The following ABLIM1 variants were observed in gnomAD, a reference collection of about 807,000 sequenced individuals.
ABLIM1 encodes the protein actin-binding LIM protein 1.
A neutral mutation model predicts 107.0 loss-of-function variants in ABLIM1; 40 were observed. That is an observed-to-expected ratio of 0.37 (90% confidence interval 0.29 to 0.49). The LOEUF is 0.49. Ranked by LOEUF, ABLIM1 falls within the 20% of genes least tolerant of loss-of-function variation. The pLI, the probability that ABLIM1 is intolerant of heterozygous loss-of-function variation, is 0.97. For missense variants in ABLIM1, 857 were observed against 1,008.5 expected, an observed-to-expected ratio of 0.85 and a Z score of 2.04; for synonymous variants, 357 against 357.3, an observed-to-expected ratio of 1.00 and a Z score of 0.01.
At chr10:114,755,187 T>C (rs954227272) in intron 1 of ABLIM1, among the ~76,000 whole-genome samples, 1 of 152,096 alleles carries the variant, frequency 6.6e-6, no homozygotes, top group Non-Finnish European at 1.5e-5. Flanking sequence ...CAGATTCTCA[T>C]GGGAACGCAA....
At chr10:114,594,834 T>C (rs1334783538) in intron 2 of ABLIM1, among the ~76,000 whole-genome samples, 2 of 152,204 alleles carry the variant, frequency 1.3e-5, no homozygotes, top group Non-Finnish European at 2.9e-5. Context: ...GTTCACCTTA[T>C]GAGTACCTGC....
chr10:114,632,057 G>T, intron 1 of ABLIM1: 2 of 1,222,130 alleles, frequency 1.6e-6, no homozygotes, highest in Non-Finnish European at 2.1e-6. Flanking sequence ...GAGGTCCGGG[G>T]CTGTGGTCTC....
chr10:114,769,411 AAAGAAAAG>A (rs1247010765), upstream of ABLIM1, among the ~76,000 whole-genome samples: 22 of 125,814 alleles, frequency 1.7e-4, no homozygotes, highest in African/African-American at 6.0e-4. Context: ...AGAAAGAAAG[AAAGAAAAG>A]AAGGAAAGAA....
chr10:114,561,938 G>C (rs1397895956), intron 4 of ABLIM1, among the ~76,000 whole-genome samples: 1 of 152,088 alleles, frequency 6.6e-6, no homozygotes, highest in Admixed American at 6.6e-5. Flanking sequence ...GATCACTCTG[G>C]GATCTTGATG....
chr10:114,787,252 C>T, the ABLIM1 span, among the ~76,000 whole-genome samples: 9 of 151,688 alleles, frequency 5.9e-5, no homozygotes, highest in African/African-American at 2.2e-4. Flanking sequence ...GGAGCCTCTC[C>T]GCCTGGCAAC....
chr10:114,631,208 C>G (rs1356898886), intron 1 of ABLIM1, among the ~76,000 whole-genome samples: 1 of 152,214 alleles, frequency 6.6e-6, no homozygotes, highest in Non-Finnish European at 1.5e-5. Flanking sequence ...TTTCAACTAT[C>G]ATTCAATTCT....
At chr10:114,495,061 T>C (rs1300766718) in intron 6 of ABLIM1, among the ~76,000 whole-genome samples, 1 of 152,236 alleles carries the variant, frequency 6.6e-6, no homozygotes, top group African/African-American at 2.4e-5. Context: ...CTTATATGTG[T>C]GCCCTTCTTA....
intron 1 of ABLIM1, among the ~76,000 whole-genome samples, chr10:114,721,728 T>A (rs1291607679): frequency 6.6e-6 from 1 of 152,082 alleles, no homozygotes; most frequent in Non-Finnish European, 1.5e-5. Context: ...CCTCAGGTAA[T>A]CCACCTGCCT....
chr10:114,690,568 AC>A, intron 1 of ABLIM1: 1 of 1,075,002 alleles, frequency 9.3e-7, no homozygotes, highest in Admixed American at 1.7e-5. Context: ...TTGTCTGCAA[AC>A]AGCTCAAAGG....
chr10:114,763,784 G>A (rs1447524533), intron 1 of ABLIM1, among the ~76,000 whole-genome samples: 6 of 152,108 alleles, frequency 3.9e-5, no homozygotes, highest in Non-Finnish European at 5.9e-5. Flanking sequence ...TAATTCAATG[G>A]CTCCCAAGTC....
the ABLIM1 span, among the ~76,000 whole-genome samples, chr10:114,799,947 C>T: frequency 7.9e-5 from 12 of 152,202 alleles, no homozygotes; most frequent in Middle Eastern, 0.014. Context: ...GACTAATCTT[C>T]GTATTTTTGT....
At chr10:114,599,369 C>G (rs1012077128) in intron 2 of ABLIM1, among the ~76,000 whole-genome samples, 4 of 152,184 alleles carry the variant, frequency 2.6e-5, no homozygotes, top group Non-Finnish European at 5.9e-5. Flanking sequence ...AAGCAAGGAG[C>G]TTTCACCCCA....
chr10:114,717,657 G>C (rs1591876563), intron 1 of ABLIM1, among the ~76,000 whole-genome samples: 1 of 152,120 alleles, frequency 6.6e-6, no homozygotes, highest in Non-Finnish European at 1.5e-5. Flanking sequence ...GCTCATGCCT[G>C]TAATCCCAGC....
intron 6 of ABLIM1, 120 bp from the exon 7 acceptor site, chr10:114,491,998 A>C (rs1321983591): frequency 2.5e-6 from 2 of 804,804 alleles, no homozygotes; most frequent in South Asian, 2.3e-5. Flanking sequence ...ATAATTGTCT[A>C]ATTGACCAAA....
intron 1 of ABLIM1, among the ~76,000 whole-genome samples, chr10:114,756,323 T>C (rs1023757911): frequency 2.0e-5 from 3 of 152,302 alleles, no homozygotes; most frequent in African/African-American, 7.2e-5. Flanking sequence ...TATAGTTTCA[T>C]ATTGCTTTTT....
chr10:114,570,386 C>T (rs1359508304), intron 4 of ABLIM1, among the ~76,000 whole-genome samples: 1 of 152,078 alleles, frequency 6.6e-6, no homozygotes, highest in Non-Finnish European at 1.5e-5. Context: ...TAAATAATGA[C>T]AAGTCCCCAG....
chr10:114,723,194 A>G (rs1481669556), intron 1 of ABLIM1, among the ~76,000 whole-genome samples: 2 of 152,218 alleles, frequency 1.3e-5, no homozygotes, highest in African/African-American at 2.4e-5. Flanking sequence ...AGAAACTGAC[A>G]GAACCAAAGC....
chr10:114,706,216 A>C (rs1490259319), intron 1 of ABLIM1, among the ~76,000 whole-genome samples: 1 of 152,240 alleles, frequency 6.6e-6, no homozygotes, highest in Non-Finnish European at 1.5e-5. Context: ...AGCAAAGGCC[A>C]AGTGTTGGGA....
chr10:114,800,342 T>C, the ABLIM1 span, among the ~76,000 whole-genome samples: 1 of 152,296 alleles, frequency 6.6e-6, no homozygotes, highest in Non-Finnish European at 1.5e-5. Context: ...TCTTGTCCTA[T>C]ATAACTTTTA....
Sources: gnomAD v4.1 joint callset for allele counts (sites outside exome capture counted in the v4.1 genomes callset) on GRCh38, gnomAD v4.1.1 for gene constraint, MANE v1.5 for transcripts, NCBI Gene and HGNC (gene_info 2026-07-23, HGNC 2026-07-21) for gene names.